The following PTPRN2 variants were observed in gnomAD, a reference collection of about 807,000 sequenced individuals.
PTPRN2 encodes the protein protein tyrosine phosphatase receptor type N2, also known as receptor-type tyrosine-protein phosphatase N2.
A neutral mutation model predicts 118.8 loss-of-function variants in PTPRN2; 74 were observed. The ratio of observed to expected loss-of-function variants is 0.62; its 90% CI spans 0.52 to 0.76. PTPRN2 has a LOEUF of 0.76. PTPRN2 is among the 30% of genes least tolerant of loss of function. The probability of loss-of-function intolerance (pLI) is 0.00; values close to 1 mark genes in which losing one functional copy is unlikely to be tolerated. For missense variants in PTPRN2, 1,481 were observed against 1,394.4 expected (o/e 1.06, Z -0.99); for synonymous variants, 641 against 608.0 (o/e 1.05, Z -0.80).
At chr7:158,011,428 C>A (rs866012446) in intron 11 of PTPRN2, among the ~76,000 whole-genome samples, 1 of 152,194 alleles carries the variant, frequency 6.6e-6, no homozygotes, top group Non-Finnish European at 1.5e-5. Context: ...TGTTTGATTT[C>A]ATTCCAGTTT....
intron 11 of PTPRN2, among the ~76,000 whole-genome samples, chr7:157,952,422 G>C (rs566915730): frequency 1.5e-5 from 2 of 135,394 alleles, no homozygotes; most frequent in Non-Finnish European, 3.4e-5. Context: ...GGGGACACGG[G>C]GGGAGACAGG....
intron 10 of PTPRN2, among the ~76,000 whole-genome samples, chr7:158,094,090 G>C (rs181412881): frequency 6.6e-6 from 1 of 152,180 alleles, no homozygotes; most frequent in Non-Finnish European, 1.5e-5. Context: ...AAAACAGATT[G>C]TTCAGTATGT....
At chr7:158,359,779 A>C (rs2151286575) in intron 2 of PTPRN2, among the ~76,000 whole-genome samples, 1 of 152,338 alleles carries the variant, frequency 6.6e-6, no homozygotes, top group East Asian at 1.9e-4. Flanking sequence ...AACATGATTA[A>C]GAATGGCAGC....
chr7:158,166,769 G>A (rs561551335), intron 6 of PTPRN2, among the ~76,000 whole-genome samples, 162 bp downstream of exon 6: 24 of 152,250 alleles, frequency 1.6e-4, no homozygotes, highest in East Asian at 3.9e-4. Context: ...TATGAGGGCC[G>A]AAGGGACCCT....
intron 2 of PTPRN2, among the ~76,000 whole-genome samples, chr7:158,332,672 C>T (rs1331048795): frequency 6.7e-6 from 1 of 148,418 alleles, no homozygotes; most frequent in African/African-American, 2.6e-5. Flanking sequence ...AGACATCACT[C>T]ACACCCACAC....
Position 158,312,205 on chromosome 7 carries a change from C to CACACACA in PTPRN2, c.277+4607_277+4613dup, listed in dbSNP as rs1554450980. Among the ~76,000 whole-genome samples the CACACACA allele has an allele frequency of 3.5e-4, 48 of 137,068 alleles. 1 individual carries two copies. The highest frequency in any genetic ancestry group is 3.1e-5 in the Non-Finnish European group (2 of 63,654). 89.9% of individuals were successfully genotyped at this position (137,068 alleles called of 152,430 possible). A position where few individuals can be genotyped will look rare whatever the true frequency, so the allele number is the denominator to read the frequency against. On this transcript the variant is annotated intron_variant, in intron 3 of 22. Coordinates refer to ENST00000389418, the MANE Select transcript of PTPRN2 (RefSeq NM_002847.5). ...ATGCTCATGTGTAGACACTCACATG[C>CACACACA]ACACACACGTGCTCACAGACACCCA...
At chr7:157,717,777 T>A (rs1201033482) in intron 12 of PTPRN2, among the ~76,000 whole-genome samples, 2 of 152,246 alleles carry the variant, frequency 1.3e-5, no homozygotes, top group Non-Finnish European at 2.9e-5. Flanking sequence ...CTGCGCCCCA[T>A]CCCTGTTACA....
At chr7:157,701,820 G>A (rs1354026678) in intron 12 of PTPRN2, among the ~76,000 whole-genome samples, 5 of 150,994 alleles carry the variant, frequency 3.3e-5, no homozygotes, top group Middle Eastern at 3.4e-3. Flanking sequence ...TGTAACTGAC[G>A]CGGGCTGTGC....
chr7:158,521,545 G>C (rs560417010), intron 1 of PTPRN2, among the ~76,000 whole-genome samples: 1 of 150,224 alleles, frequency 6.7e-6, no homozygotes, highest in Non-Finnish European at 1.5e-5. Context: ...GGTCCGCATC[G>C]GAATGGTGGA....
intron 1 of PTPRN2, among the ~76,000 whole-genome samples, chr7:158,532,526 C>T (rs1026070680): frequency 5.3e-5 from 8 of 152,084 alleles, no homozygotes; most frequent in African/African-American, 1.7e-4. Flanking sequence ...GAAGTTGGAG[C>T]GTGGTGGACC....
At chr7:157,955,025 C>T (rs1412883224) in intron 11 of PTPRN2, among the ~76,000 whole-genome samples, 14 of 152,032 alleles carry the variant, frequency 9.2e-5, no homozygotes, top group Middle Eastern at 3.2e-3. Flanking sequence ...GGGAGTGAAG[C>T]GGGTGGGGTG....
chr7:158,286,380 A>G (rs1008414183), intron 3 of PTPRN2, among the ~76,000 whole-genome samples: 47 of 152,192 alleles, frequency 3.1e-4, no homozygotes, highest in African/African-American at 1.1e-3. Context: ...TAGGTTTTGC[A>G]ATACAGTGTT....
intron 2 of PTPRN2, among the ~76,000 whole-genome samples, chr7:158,331,551 C>G (rs1804450349): frequency 6.9e-6 from 1 of 144,032 alleles, no homozygotes. Context: ...TAAGAGCTGA[C>G]ACCCGCAGAC....
At chr7:158,236,635 C>T (rs1829571258) in intron 3 of PTPRN2, among the ~76,000 whole-genome samples, 1 of 152,170 alleles carries the variant, frequency 6.6e-6, no homozygotes, top group African/African-American at 2.4e-5. Context: ...TGGGACTCCC[C>T]ACAGGGCCAG....
At chr7:158,056,557 C>T (rs751616782) in intron 11 of PTPRN2, among the ~76,000 whole-genome samples, 6 of 152,212 alleles carry the variant, frequency 3.9e-5, no homozygotes, top group Non-Finnish European at 7.3e-5. Flanking sequence ...CTCGGTTTGA[C>T]GATGGGATGT....
intron 1 of PTPRN2, among the ~76,000 whole-genome samples, chr7:158,528,103 T>C (rs989925363): frequency 1.3e-5 from 2 of 152,198 alleles, no homozygotes; most frequent in Non-Finnish European, 2.9e-5. Flanking sequence ...ATGGAGGAAG[T>C]TGGTGTGTAC....
chr7:157,852,699 T>G (rs1185028967), intron 12 of PTPRN2, among the ~76,000 whole-genome samples: 1 of 151,708 alleles, frequency 6.6e-6, no homozygotes, highest in Non-Finnish European at 1.5e-5. Context: ...TGAAACCCCG[T>G]CTCTACTAAA....
intron 11 of PTPRN2, among the ~76,000 whole-genome samples, chr7:157,908,586 C>G (rs1487250377): frequency 6.6e-6 from 1 of 152,230 alleles, no homozygotes; most frequent in Admixed American, 6.5e-5. Flanking sequence ...ACCCCACAAT[C>G]CCTTTCACTT....
intron 19 of PTPRN2, among the ~76,000 whole-genome samples, chr7:157,573,408 C>T (rs1799856413): frequency 1.3e-5 from 2 of 152,246 alleles, no homozygotes; most frequent in Non-Finnish European, 2.9e-5. Context: ...CCTCCAGCTT[C>T]CTGCTGTGTT....
Sources: allele counts gnomAD v4.1 joint callset (sites outside exome capture counted in the v4.1 genomes callset), GRCh38; gene constraint gnomAD v4.1.1; transcripts MANE v1.5; gene names NCBI Gene and HGNC (gene_info 2026-07-23, HGNC 2026-07-21).